SCGB2B2: variants seen among roughly 807,000 people sequenced by gnomAD.
SCGB2B2 encodes secretoglobin family 2B member 2.
In SCGB2B2, 11 loss-of-function variants were observed where a neutral mutation model predicts 7.6. The ratio of observed to expected loss-of-function variants is 1.45; its 90% confidence interval spans 0.91 to 2.40. SCGB2B2 has a LOEUF of 2.40. SCGB2B2 is among the 30% of genes most tolerant of loss of function. The probability of loss-of-function intolerance (pLI) is 0.00; values close to 1 mark genes in which losing one functional copy is unlikely to be tolerated. For synonymous variants in SCGB2B2, 50 were observed against 48.6 expected (o/e 1.03, Z -0.12); for missense variants, 104 against 115.4 (o/e 0.90, Z 0.45).
At chr19:34,665,648 T>G (rs1458425845) in intron 1 of SCGB2B2, among the ~76,000 whole-genome samples, 2 of 152,098 alleles carry the variant, frequency 1.3e-5, no homozygotes, top group African/African-American at 4.8e-5. Flanking sequence ...TCATGGCAGT[T>G]GAGGGCCCAC....
At chr19:34,615,909 A>G (rs1600048653) in intron 1 of SCGB2B2, among the ~76,000 whole-genome samples, 1 of 146,248 alleles carries the variant, frequency 6.8e-6, no homozygotes, top group South Asian at 2.2e-4. Flanking sequence ...TCATTGTTCA[A>G]TTCCCACCTA....
At chr19:34,632,109 A>G (rs1361117636) in intron 1 of SCGB2B2, 1 of 152,242 alleles carries the variant, frequency 6.6e-6, no homozygotes, top group Non-Finnish European at 1.5e-5. Context: ...CAAACCTCAC[A>G]TGGTATACAA....
chr19:34,589,201 C>T (rs2065245529), downstream of SCGB2B2, among the ~76,000 whole-genome samples: 1 of 152,108 alleles, frequency 6.6e-6, no homozygotes, highest in Non-Finnish European at 1.5e-5. Flanking sequence ...ACTGGAGTGA[C>T]CTTGTGAGGT....
intron 1 of SCGB2B2, among the ~76,000 whole-genome samples, chr19:34,651,558 G>C (rs2067161609): frequency 6.6e-6 from 1 of 151,010 alleles, no homozygotes; most frequent in South Asian, 2.1e-4. Context: ...AAATGCTTCA[G>C]AATAAATTTA....
chr19:34,603,812 T>A (rs907381151), intron 1 of SCGB2B2, among the ~76,000 whole-genome samples: 5 of 145,106 alleles, frequency 3.4e-5, no homozygotes, highest in Admixed American at 6.8e-5. Flanking sequence ...TTTTTTTTTT[T>A]AACAGATAAC....
intron 1 of SCGB2B2, among the ~76,000 whole-genome samples, chr19:34,668,675 C>T (rs2146193872): frequency 6.6e-6 from 1 of 152,310 alleles, no homozygotes; most frequent in Non-Finnish European, 1.5e-5. Flanking sequence ...CCAGTCAGCA[C>T]CCTGTGTCTA....
At chr19:34,635,801 T>G (rs1286165842) in intron 1 of SCGB2B2, 1 of 160,416 alleles carries the variant, frequency 6.2e-6, no homozygotes, top group Non-Finnish European at 1.4e-5. Flanking sequence ...AGTACCCACA[T>G]GTGAAGGGAT....
intron 1 of SCGB2B2, chr19:34,640,267 TTTTAA>T (rs2066803680): frequency 6.6e-6 from 1 of 152,082 alleles, no homozygotes; most frequent in Non-Finnish European, 1.5e-5. Context: ...CCTGGCTAAT[TTTTAA>T]TTTCTCTTTT....
intron 1 of SCGB2B2, among the ~76,000 whole-genome samples, chr19:34,608,998 T>C (rs1020051278): frequency 1.3e-5 from 2 of 152,068 alleles, no homozygotes; most frequent in African/African-American, 4.8e-5. Flanking sequence ...TTTTGTAATT[T>C]TGATAATACC....
At chr19:34,645,088 CAG>C (rs954520630) in intron 1 of SCGB2B2, among the ~76,000 whole-genome samples, 16 of 152,340 alleles carry the variant, frequency 1.1e-4, no homozygotes, top group Admixed American at 3.9e-4. Flanking sequence ...AACACAGACA[CAG>C]GGAGAAACAC....
downstream of SCGB2B2, among the ~76,000 whole-genome samples, chr19:34,589,426 T>TGAG (rs1327437023): frequency 6.6e-6 from 1 of 152,132 alleles, no homozygotes; most frequent in African/African-American, 2.4e-5. Flanking sequence ...CCCCTGGACC[T>TGAG]GAGTGACAGG....
intron 1 of SCGB2B2, among the ~76,000 whole-genome samples, chr19:34,650,437 A>C (rs986952022): frequency 6.6e-6 from 1 of 151,128 alleles, no homozygotes; most frequent in African/African-American, 2.5e-5. Flanking sequence ...TTGATTTTCC[A>C]TGGTTAGATT....
At chr19:34,618,632 T>TA (rs1292340858) in intron 1 of SCGB2B2, among the ~76,000 whole-genome samples, 1 of 152,198 alleles carries the variant, frequency 6.6e-6, no homozygotes, top group Non-Finnish European at 1.5e-5. Context: ...TACATCTTTT[T>TA]AACAAAAGTC....
At position 34,593,595 on chromosome 19, in the gene SCGB2B2, T is replaced by G; in HGVS notation, c.251A>C (p.Lys84Thr). The change falls in exon 4 of 4, where the codon AAG becomes ACG. Residue 84 changes from lysine to threonine, a missense_variant. Transcript: ENST00000601241. ...ERFAHSVVIK[K>T]ILQSNDCIEA... Reference sequence around the variant, plus strand: ...TATGCAATCGTTGCTCTGAAGGATCTTCTTCTGTTGGAAAAAGAAGAAAGA... The same window carrying G: ...TATGCAATCGTTGCTCTGAAGGATCGTCTTCTGTTGGAAAAAGAAGAAAGA... The G allele has an allele frequency of 1.9e-6, 3 of 1,552,728 alleles. No individual in the cohort carries two copies. In the South Asian group the frequency reaches 3.6e-5, roughly 18 times the overall value.
At chr19:34,661,356 C>T (rs529326840) in intron 1 of SCGB2B2, among the ~76,000 whole-genome samples, 3 of 151,556 alleles carry the variant, frequency 2.0e-5, no homozygotes, top group Admixed American at 6.6e-5. Context: ...ATAAGGGAGA[C>T]CAAAATAAAT....
chr19:34,594,028 G>C (rs2065369107), intron 3 of SCGB2B2, 147 bp downstream of exon 3: 6 of 659,412 alleles, frequency 9.1e-6, no homozygotes, highest in Non-Finnish European at 1.6e-5. Context: ...TGTTGGGGCA[G>C]GTGGGGAACT....
chr19:34,638,482 AAAAC>A (rs1473674040), intron 1 of SCGB2B2, among the ~76,000 whole-genome samples: 1 of 151,856 alleles, frequency 6.6e-6, no homozygotes, highest in Non-Finnish European at 1.5e-5. Context: ...CCCCCCCAAA[AAAAC>A]AAACAATGAC....
chr19:34,614,644 T>C (rs2145860043), intron 1 of SCGB2B2, among the ~76,000 whole-genome samples: 1 of 152,352 alleles, frequency 6.6e-6, no homozygotes, highest in East Asian at 1.9e-4. Context: ...CAAGTTATTA[T>C]GTTCTTTTGG....
At chr19:34,618,070 G>C (rs1345993010) in intron 1 of SCGB2B2, among the ~76,000 whole-genome samples, 1 of 152,200 alleles carries the variant, frequency 6.6e-6, no homozygotes, top group African/African-American at 2.4e-5. Context: ...ACCTCAGATG[G>C]AAATGCAGAA....
Sources: allele counts gnomAD v4.1 joint callset (sites outside exome capture counted in the v4.1 genomes callset), GRCh38; gene constraint gnomAD v4.1.1; transcripts MANE v1.5; gene names NCBI Gene and HGNC (gene_info 2026-07-23, HGNC 2026-07-21).